Variants in GOLGA8B observed in about 807,000 individuals in gnomAD.
GOLGA8B encodes golgin subfamily A member 8B.
Under a neutral mutation model 15.6 loss-of-function variants are expected in GOLGA8B, and 1 was observed. That is an observed-to-expected ratio of 0.06 (90% confidence interval 0.02 to 0.30). The LOEUF (loss-of-function observed/expected upper bound fraction) is 0.30. Ranked by LOEUF, GOLGA8B falls within the 10% of genes least tolerant of loss-of-function variation. GOLGA8B has a pLI of 1.00. For synonymous variants in GOLGA8B, 9 were observed against 80.3 expected (o/e 0.11, Z 4.75); for missense variants, 17 against 201.3 (o/e 0.08, Z 5.54).
intron 7 of GOLGA8B, among the ~76,000 whole-genome samples, chr15:34,544,347 A>T (rs574638613): frequency 1.0e-5 from 1 of 100,464 alleles, no homozygotes; most frequent in South Asian, 3.4e-4. Context: ...TAAAAAACCT[A>T]TGGCTTTGCA....
chr15:34,574,619 T>C (rs1167904348), intron 1 of GOLGA8B, among the ~76,000 whole-genome samples: 1 of 152,126 alleles, frequency 6.6e-6, no homozygotes, highest in Non-Finnish European at 1.5e-5. Context: ...ATCAGATTTC[T>C]AAGGAGCCTA....
intron 1 of GOLGA8B, among the ~76,000 whole-genome samples, chr15:34,577,895 TAC>T (rs1232442265): frequency 2.0e-5 from 3 of 152,236 alleles, no homozygotes; most frequent in South Asian, 2.1e-4. Context: ...ATAAACATTG[TAC>T]AGTTAGGCTA....
chr15:34,581,114 T>C (rs1387209107), intron 1 of GOLGA8B, among the ~76,000 whole-genome samples: 2 of 152,308 alleles, frequency 1.3e-5, no homozygotes, highest in Middle Eastern at 3.4e-3. Flanking sequence ...CCGCCAGTCC[T>C]GTCCTCCCCT....
Position 34,526,289 on chromosome 15 carries a change from GATAAT to G in GOLGA8B, c.*1338_*1342del, listed in dbSNP as rs1243087188. 4.7e-5 allele frequency: 7 copies of G among 149,868 alleles called. No homozygotes were observed. Among genetic ancestry groups the G allele is most frequent in the African/African-American group, 7.4e-5 (3 of 40,588 alleles). 9.3% of individuals were successfully genotyped at this position (149,868 alleles called of 1,614,324 possible). ...CATAAACTTCTCCTTGATTTTCAAA[GATAAT>G]ATAATACTGTCTACTAAAATTCCTT... On this transcript the variant is annotated 3_prime_UTR_variant, in exon 24 of 24. Transcript: ENST00000683415.
At chr15:34,569,385 T>C (rs1888845015) in intron 1 of GOLGA8B, among the ~76,000 whole-genome samples, 1 of 151,942 alleles carries the variant, frequency 6.6e-6, no homozygotes, top group Non-Finnish European at 1.5e-5. Context: ...ACTTCGGACC[T>C]TCCTGGGCCT....
chr15:34,542,494 CT>C (rs1888222577), intron 7 of GOLGA8B, among the ~76,000 whole-genome samples: 1 of 137,086 alleles, frequency 7.3e-6, no homozygotes, highest in African/African-American at 2.9e-5. Context: ...GTGTAACTTA[CT>C]TATGGTAAGC....
At chr15:34,557,041 G>T (rs1199717436) in intron 1 of GOLGA8B, among the ~76,000 whole-genome samples, 1 of 138,296 alleles carries the variant, frequency 7.2e-6, no homozygotes, top group Admixed American at 7.7e-5. Flanking sequence ...GCCGGTTGAG[G>T]GCTGAGGGGC....
chr15:34,572,542 T>A (rs1296383668), intron 1 of GOLGA8B, among the ~76,000 whole-genome samples: 2 of 152,190 alleles, frequency 1.3e-5, no homozygotes, highest in African/African-American at 4.8e-5. Context: ...TACAGTAGGA[T>A]CCCACTTTGT....
chr15:34,566,976 A>G (rs1160624643), intron 1 of GOLGA8B, among the ~76,000 whole-genome samples: 1 of 114,528 alleles, frequency 8.7e-6, no homozygotes, highest in East Asian at 2.2e-4. Flanking sequence ...GCGTCACCCA[A>G]GTGCTCCCGG....
chr15:34,526,880 A>C lies in GOLGA8B; in HGVS notation c.*752T>G, dbSNP rs191481674. 31 of 150,054 alleles carry C rather than the reference A, an allele frequency of 2.1e-4. 2 individuals are homozygous for C. The highest frequency in any genetic ancestry group is 7.4e-4 in the African/African-American group (30 of 40,496). 9.3% of individuals were successfully genotyped at this position (150,054 alleles called of 1,614,324 possible). A position where few individuals can be genotyped will look rare whatever the true frequency, so the allele number is the denominator to read the frequency against. On this transcript the variant is annotated 3_prime_UTR_variant, in exon 24 of 24. Coordinates refer to ENST00000683415, the MANE Select transcript of GOLGA8B (RefSeq NM_001023567.5). ...CGATGCAATATCTTCATGAGCCCAG[A>C]GCACATACAAATCCAAAGGGAACTG...
At chr15:34,567,574 C>A (rs1364946307) in intron 1 of GOLGA8B, among the ~76,000 whole-genome samples, 1 of 151,636 alleles carries the variant, frequency 6.6e-6, no homozygotes, top group African/African-American at 2.4e-5. Flanking sequence ...AAATAAAACC[C>A]ATCCCATTAG....
chr15:34,572,349 G>A (rs28420588), intron 1 of GOLGA8B, among the ~76,000 whole-genome samples: 17,012 of 152,166 alleles, frequency 0.11, 1,037 homozygotes, highest in East Asian at 0.29. Flanking sequence ...GCAGATGCAA[G>A]GGTTTAATGT....
intron 1 of GOLGA8B, chr15:34,581,579 T>A (rs1263868388): frequency 6.6e-6 from 1 of 152,228 alleles, no homozygotes; most frequent in Non-Finnish European, 1.5e-5. Context: ...TTTTGATTTT[T>A]TTTTTTTTAA....
intron 1 of GOLGA8B, among the ~76,000 whole-genome samples, chr15:34,569,610 TGAGA>T (rs1408240654): frequency 1.3e-4 from 19 of 151,970 alleles, no homozygotes; most frequent in Middle Eastern, 3.4e-3. Context: ...TCTCATAAGA[TGAGA>T]AAATGATGCC....
rs901792448 is a variant in GOLGA8B at position 34,551,120 on chromosome 15, C to A, written c.-575+18G>T. The A allele has an allele frequency of 1.6e-5, 1 of 62,366 alleles. No homozygotes were observed. The highest frequency in any genetic ancestry group is 3.0e-5 in the Non-Finnish European group (1 of 33,714). The allele number at this position is 62,366 out of a possible 1,614,324, so 3.9% of individuals were successfully genotyped here. On this transcript the variant is annotated intron_variant, in intron 4 of 23. Transcript: ENST00000683415. Reference sequence around the variant, plus strand: ...ACTTAAACAAAAATCCAGGCTCTAGCTATTTATACACACTTACGCAGTTAA... The same window carrying A: ...ACTTAAACAAAAATCCAGGCTCTAGATATTTATACACACTTACGCAGTTAA...
chr15:34,548,039 T>C (rs1160650485), intron 4 of GOLGA8B, among the ~76,000 whole-genome samples: 1 of 152,184 alleles, frequency 6.6e-6, no homozygotes, highest in Non-Finnish European at 1.5e-5. Context: ...AACATTCCGG[T>C]GTCTCCTGGT....
At chr15:34,570,429 G>A (rs899619635) in intron 1 of GOLGA8B, among the ~76,000 whole-genome samples, 50 of 128,108 alleles carry the variant, frequency 3.9e-4, no homozygotes, top group Admixed American at 3.4e-3. Context: ...ACTGTCCACC[G>A]GCCTGCTTCC....
intron 1 of GOLGA8B, among the ~76,000 whole-genome samples, chr15:34,571,832 T>A (rs200612680): frequency 0.047 from 6,664 of 141,430 alleles, no homozygotes; most frequent in South Asian, 0.14. Flanking sequence ...CAATGTAAAA[T>A]TTCCAAATTT....
chr15:34,575,294 C>G (rs577816313), intron 1 of GOLGA8B, among the ~76,000 whole-genome samples: 2 of 151,416 alleles, frequency 1.3e-5, no homozygotes, highest in African/African-American at 4.9e-5. Context: ...CCTCCCCACC[C>G]CATGTCACAT....
Sources: gnomAD v4.1 joint callset for allele counts (sites outside exome capture counted in the v4.1 genomes callset) on GRCh38, gnomAD v4.1.1 for gene constraint, MANE v1.5 for transcripts, NCBI Gene and HGNC (gene_info 2026-07-23, HGNC 2026-07-21) for gene names.